The following HECW2 variants were observed in gnomAD, a reference collection of about 807,000 sequenced individuals.
HECW2 encodes the protein E3 ubiquitin-protein ligase HECW2.
A neutral mutation model predicts 175.2 loss-of-function variants in HECW2; 61 were observed. The observed-to-expected ratio is 0.35, with a 90% CI of 0.28 to 0.43. The LOEUF is 0.43. HECW2 is among the 20% of genes least tolerant of loss of function. The pLI is 1.00. For missense variants in HECW2, 1,524 were observed against 2,000.5 expected (o/e 0.76, Z 4.54); for synonymous variants, 671 against 731.0 (o/e 0.92, Z 1.32).
At chr2:196,491,368 A>ATC (rs1687180938) in intron 1 of HECW2, among the ~76,000 whole-genome samples, 2 of 88,322 alleles carry the variant, frequency 2.3e-5, no homozygotes, top group African/African-American at 8.2e-5. Context: ...TCATATATAT[A>ATC]TACACACACA....
chr2:196,359,115 TTTGATTA>T (rs1693492558), intron 2 of HECW2, among the ~76,000 whole-genome samples: 1 of 152,180 alleles, frequency 6.6e-6, no homozygotes, highest in African/African-American at 2.4e-5. Context: ...ATAATAGCAA[TTTGATTA>T]CACACCCTCC....
At position 196,276,525 on chromosome 2, in the gene HECW2, T is replaced by C. The variant is rs537588539; in HGVS notation, c.3135+2003A>G. On this transcript the variant is annotated intron_variant, in intron 15 of 28. Coordinates refer to ENST00000644978, the MANE Select transcript of HECW2 (RefSeq NM_001348768.2). ...CCAGCTTCATACTGTGAAGTCATGA[T>C]AAGGTGAGTGGTTAAAGGGCACGGG... is the stretch of plus-strand genomic sequence containing the variant. Among the ~76,000 whole-genome samples, 3 of 152,264 alleles carry C rather than the reference T, an allele frequency of 2.0e-5. No homozygotes were observed. The East Asian group carries it at 5.8e-4, about 29-fold the overall frequency.
chr2:196,211,844 T>G (rs1559437903), intron 28 of HECW2, among the ~76,000 whole-genome samples: 1 of 151,772 alleles, frequency 6.6e-6, no homozygotes, highest in Non-Finnish European at 1.5e-5. Context: ...CTTAGAGGAT[T>G]CTTTTTTTTT....
Position 196,322,600 on chromosome 2 carries a change from A to T in HECW2, c.762T>A (p.Leu254=). The part of the protein sequence containing the change: ...WHREKYSFFA[L]LTDVLEIEIK... ...TTTCAATTTCTAAGACATCAGTAAGAAGTGCAAAAAAGGAATATTTCTGAA... is the reference window on the plus strand; with the variant it reads ...TTTCAATTTCTAAGACATCAGTAAGTAGTGCAAAAAAGGAATATTTCTGAA... The change falls in exon 7 of 29, where the codon CTT becomes CTA. Residue 254 remains leucine, a synonymous_variant. Transcript: ENST00000644978. 2 of 1,613,074 alleles carry T rather than the reference A, an allele frequency of 1.2e-6. No homozygotes were observed. The highest frequency in any genetic ancestry group is 4.5e-5 in the East Asian group (2 of 44,874).
chr2:196,554,521 A>T (rs990492219), intron 1 of HECW2, among the ~76,000 whole-genome samples: 2 of 152,186 alleles, frequency 1.3e-5, no homozygotes, highest in African/African-American at 4.8e-5. Flanking sequence ...CTGAGACCTT[A>T]ATCAAAGAAT....
chr2:196,255,847 C>T (rs769295007), intron 18 of HECW2, among the ~76,000 whole-genome samples: 19 of 152,266 alleles, frequency 1.2e-4, no homozygotes, highest in Non-Finnish European at 7.4e-5. Flanking sequence ...CCGAGGAGGG[C>T]GGATTGCCTG....
chr2:196,311,441 A>G (rs1691492737), intron 10 of HECW2, among the ~76,000 whole-genome samples: 1 of 152,216 alleles, frequency 6.6e-6, no homozygotes, highest in African/African-American at 2.4e-5. Flanking sequence ...TAGTTTGCTG[A>G]ACAAACCCAT....
At chr2:196,443,693 T>C (rs2125294371) in intron 1 of HECW2, among the ~76,000 whole-genome samples, 2 of 152,340 alleles carry the variant, frequency 1.3e-5, no homozygotes, top group Middle Eastern at 6.8e-3. Context: ...CAAGAAAAAC[T>C]CTTTGCTTTT....
chr2:196,400,361 G>A (rs1029159519), intron 2 of HECW2, among the ~76,000 whole-genome samples: 5 of 152,152 alleles, frequency 3.3e-5, no homozygotes, highest in Admixed American at 3.3e-4. Flanking sequence ...AAGGAGAGTA[G>A]AGTATATGAC....
At chr2:196,473,561 A>AT (rs558055786) in intron 1 of HECW2, among the ~76,000 whole-genome samples, 238 of 152,122 alleles carry the variant, frequency 1.6e-3, no homozygotes, top group African/African-American at 5.6e-3. Context: ...GGAGGACTGG[A>AT]TTTTTTTTAG....
rs1162724973 is a variant in HECW2, at chr2:196,407,346, T to G, written c.292+25786A>C. Among the ~76,000 whole-genome samples, 4 of 151,880 alleles carry G rather than the reference T, an allele frequency of 2.6e-5. No homozygotes were observed. The South Asian group carries it at 8.3e-4, about 32-fold the overall frequency. Reference sequence around the variant, plus strand: ...ATGTTACTACACTCAGCTAATTTTCTTTATTCCATGGTATAAATACTTCCA... The same window carrying G: ...ATGTTACTACACTCAGCTAATTTTCGTTATTCCATGGTATAAATACTTCCA... On this transcript the variant is annotated intron_variant, in intron 2 of 28. Transcript: ENST00000644978.
chr2:196,379,649 C>A (rs1327725584), intron 2 of HECW2, among the ~76,000 whole-genome samples: 1 of 146,544 alleles, frequency 6.8e-6, no homozygotes, highest in Non-Finnish European at 1.5e-5. Context: ...CACACCACTG[C>A]ACTCCAGCCT....
In HECW2 at chr2:196,515,155, C is replaced by T. The variant is rs148058336; in HGVS notation, c.-36+78353G>A. ...AGTACATCTGGCCCAGCCACAGCCT[C>T]GCACAGAGCCGGCACCTGTGCTGGC... On this transcript the variant is annotated intron_variant, in intron 1 of 28. Transcript: ENST00000644978. Among the ~76,000 whole-genome samples, 497 of 152,354 alleles carry T rather than the reference C, an allele frequency of 3.3e-3. 4 individuals are homozygous for T. Among genetic ancestry groups the T allele is most frequent in the African/African-American group, 0.011 (464 of 41,592 alleles).
chr2:196,377,032 T>A (rs186825767), intron 2 of HECW2, among the ~76,000 whole-genome samples: 107 of 152,288 alleles, frequency 7.0e-4, no homozygotes, highest in Non-Finnish European at 1.4e-3. Context: ...CTATAAAAAT[T>A]ATTGTTTGAT....
At chr2:196,510,194 T>G (rs1687897437) in intron 1 of HECW2, among the ~76,000 whole-genome samples, 1 of 152,190 alleles carries the variant, frequency 6.6e-6, no homozygotes, top group South Asian at 2.1e-4. Context: ...ATGGTTGCAT[T>G]CACTCTCAAT....
intron 26 of HECW2, chr2:196,217,846 T>C (rs1476248285): frequency 1.3e-5 from 2 of 152,242 alleles, no homozygotes; most frequent in South Asian, 2.1e-4. Flanking sequence ...AAGGATTTAG[T>C]GATTCAAACC....
At position 196,591,400 on chromosome 2, in the gene HECW2, A is replaced by G. The variant is rs548347595; in HGVS notation, c.-36+2108T>C. The stretch of plus-strand genomic sequence containing the variant: ...ATATACAAGAGCTAAGAAAGGTGCA[A>G]CTGATTTTCCCCCAGAAGCAGCACG... On this transcript the variant is annotated intron_variant, in intron 1 of 28. Coordinates refer to ENST00000644978, the MANE Select transcript of HECW2 (RefSeq NM_001348768.2). Among the ~76,000 whole-genome samples, 8 of 152,330 alleles carry G rather than the reference A, an allele frequency of 5.3e-5. No individual in the cohort carries two copies. In the South Asian group the frequency reaches 8.3e-4, roughly 16 times the overall value.
intron 1 of HECW2, among the ~76,000 whole-genome samples, chr2:196,561,591 T>G (rs528388417): frequency 6.6e-6 from 1 of 152,318 alleles, no homozygotes; most frequent in South Asian, 2.1e-4. Context: ...TGACATGTGA[T>G]GTCTCCCCCG....
rs67409257 is a variant in HECW2, at chr2:196,491,369, TACACACACAC to T, written c.-35-57921_-35-57912del. Among the ~76,000 whole-genome samples the T allele has an allele frequency of 1.0e-3, 133 of 130,668 alleles. 3 individuals carry two copies. In the South Asian group the frequency reaches 0.024, roughly 23 times the overall value. The allele number at this position is 130,668 out of a possible 152,430, so 85.7% of individuals were successfully genotyped here. On this transcript the variant is annotated intron_variant, in intron 1 of 28. Transcript: ENST00000644978. ...AAACAAATACAAAATCATATATATA[TACACACACAC>T]ACACACACACACACACACACACACA...
Sources: gnomAD v4.1 joint callset for allele counts (sites outside exome capture counted in the v4.1 genomes callset) on GRCh38, gnomAD v4.1.1 for gene constraint, MANE v1.5 for transcripts, NCBI Gene and HGNC (gene_info 2026-07-23, HGNC 2026-07-21) for gene names.